The following TSPAN15 variants were observed in gnomAD, a reference collection of about 807,000 sequenced individuals.
TSPAN15 encodes tetraspanin-15.
TSPAN15 carries 20 observed loss-of-function variants against 34.5 expected under a neutral mutation model. That is an observed-to-expected ratio of 0.58 (90% CI 0.41 to 0.84). TSPAN15 has a LOEUF of 0.84. Ranked by LOEUF, TSPAN15 falls within the 40% of genes least tolerant of loss-of-function variation. TSPAN15 has a pLI of 0.00. For synonymous variants in TSPAN15, 155 were observed against 153.9 expected, an observed-to-expected ratio of 1.01 and a Z score of -0.05; for missense variants, 313 against 386.1, an observed-to-expected ratio of 0.81 and a Z score of 1.59.
chr10:69,540,794 G>T, the TSPAN15 span, among the ~76,000 whole-genome samples: 3 of 152,174 alleles, frequency 2.0e-5, no homozygotes, highest in Admixed American at 1.3e-4. Flanking sequence ...TGGGGTCTGG[G>T]CTCTGTAGGG....
At chr10:69,491,135 G>T (rs567542421) in intron 3 of TSPAN15, among the ~76,000 whole-genome samples, 2 of 152,330 alleles carry the variant, frequency 1.3e-5, no homozygotes, top group South Asian at 4.1e-4. Context: ...CTGAGGAAGG[G>T]TCTGGCAGAT....
intron 3 of TSPAN15, among the ~76,000 whole-genome samples, chr10:69,487,217 A>T (rs1841873541): frequency 6.6e-6 from 1 of 152,140 alleles, no homozygotes; most frequent in African/African-American, 2.4e-5. Context: ...GCATGGCTTG[A>T]CAGTCAGACT....
At chr10:69,512,561 C>G (rs1842425695), downstream of TSPAN15, among the ~76,000 whole-genome samples, 1 of 152,162 alleles carries the variant, frequency 6.6e-6, no homozygotes, top group South Asian at 2.1e-4. Context: ...CCTCTTGTCC[C>G]TTTGTAATCT....
intron 1 of TSPAN15, among the ~76,000 whole-genome samples, chr10:69,464,236 G>A (rs1456782891): frequency 1.3e-5 from 2 of 152,256 alleles, no homozygotes; most frequent in Non-Finnish European, 2.9e-5. Flanking sequence ...CCCATTTGTG[G>A]TCATTTGTTC....
chr10:69,543,034 A>AAAGACC, the TSPAN15 span, among the ~76,000 whole-genome samples: 2 of 152,062 alleles, frequency 1.3e-5, no homozygotes, highest in African/African-American at 4.8e-5. Flanking sequence ...CCTTTAGGGG[A>AAAGACC]AGTCTTTCAT....
the TSPAN15 span, among the ~76,000 whole-genome samples, chr10:69,545,023 C>A: frequency 6.6e-6 from 1 of 152,164 alleles, no homozygotes; most frequent in Non-Finnish European, 1.5e-5. Flanking sequence ...TCTCCTGAGG[C>A]ACAAGGACCT....
the TSPAN15 span, among the ~76,000 whole-genome samples, chr10:69,536,456 A>C: frequency 2.6e-5 from 4 of 152,190 alleles, no homozygotes; most frequent in Non-Finnish European, 5.9e-5. Flanking sequence ...TGGGGTAAAG[A>C]GATGGTACAG....
chr10:69,476,389 G>A (rs12357046), intron 1 of TSPAN15, among the ~76,000 whole-genome samples: 8,582 of 152,000 alleles, frequency 0.056, 358 homozygotes, highest in African/African-American at 0.11. Context: ...GTGCTCTGAC[G>A]TTACCAAAAG....
intron 3 of TSPAN15, among the ~76,000 whole-genome samples, chr10:69,487,286 G>A (rs1478207276): frequency 6.6e-6 from 1 of 152,166 alleles, no homozygotes; most frequent in Non-Finnish European, 1.5e-5. Context: ...GAGTCATGGA[G>A]GCACACAGGA....
the TSPAN15 span, among the ~76,000 whole-genome samples, chr10:69,530,806 CTCTCTCTCTCTCTCTA>C: frequency 6.2e-4 from 43 of 69,046 alleles, no homozygotes; most frequent in South Asian, 1.2e-3. Flanking sequence ...CTCTCTCTCT[CTCTCTCTCTCTCTCTA>C]TATATATATA....
In TSPAN15 at chr10:69,507,395, G is replaced by GGGAGGGGCAGGAGGGAAGGGCATCTGT. The variant is rs1842355561; in HGVS notation, c.*420_*421insGGGGCAGGAGGGAAGGGCATCTGTGGA. On this transcript the variant is annotated 3_prime_UTR_variant, in exon 8 of 8. Coordinates refer to ENST00000373290, the MANE Select transcript of TSPAN15 (RefSeq NM_012339.5). ...TCGGGGCAGGAGGGAAGGGCATCTG[G>GGGAGGGGCAGGAGGGAAGGGCATCTGT]GGAAGGGCAGGAGGGAAGAGCTGTC... The GGGAGGGGCAGGAGGGAAGGGCATCTGT allele has an allele frequency of 4.1e-6, 5 of 1,227,278 alleles. No individual in the cohort carries two copies. The highest frequency in any genetic ancestry group is 5.2e-6 in the Non-Finnish European group (5 of 961,486). 76.0% of individuals were successfully genotyped at this position (1,227,278 alleles called of 1,614,324 possible). A position where few individuals can be genotyped will look rare whatever the true frequency, so the allele number is the denominator to read the frequency against.
At chr10:69,516,065 C>A in the TSPAN15 span, among the ~76,000 whole-genome samples, 1 of 152,222 alleles carries the variant, frequency 6.6e-6, no homozygotes, top group African/African-American at 2.4e-5. Flanking sequence ...CTTTCCCATT[C>A]CCATTTCATA....
the TSPAN15 span, among the ~76,000 whole-genome samples, chr10:69,542,004 T>C: frequency 1.3e-5 from 2 of 152,204 alleles, no homozygotes; most frequent in Non-Finnish European, 2.9e-5. Context: ...GGCTTGAATT[T>C]CCCCCTAAGA....
chr10:69,462,891 G>T (rs1841301130), intron 1 of TSPAN15, among the ~76,000 whole-genome samples: 1 of 152,214 alleles, frequency 6.6e-6, no homozygotes, highest in South Asian at 2.1e-4. Flanking sequence ...CTAGCCAGGG[G>T]TTTGGGAGAA....
chr10:69,491,823 T>C (rs1434799191), intron 3 of TSPAN15, among the ~76,000 whole-genome samples: 4 of 152,202 alleles, frequency 2.6e-5, no homozygotes, highest in Non-Finnish European at 5.9e-5. Context: ...TGCAGGCAGC[T>C]GGCCTGGTAG....
chr10:69,536,787 C>A, the TSPAN15 span, among the ~76,000 whole-genome samples: 1 of 151,988 alleles, frequency 6.6e-6, no homozygotes, highest in African/African-American at 2.4e-5. Context: ...GAGTTTGAGA[C>A]CAGCCTGACC....
the TSPAN15 span, among the ~76,000 whole-genome samples, chr10:69,524,145 G>C: frequency 2.0e-5 from 3 of 147,958 alleles, no homozygotes; most frequent in Admixed American, 1.4e-4. Context: ...TGATGGTTCA[G>C]TATTAGGAGA....
intron 1 of TSPAN15, among the ~76,000 whole-genome samples, chr10:69,470,029 G>T (rs1291373993): frequency 1.3e-5 from 2 of 152,178 alleles, no homozygotes; most frequent in Admixed American, 1.3e-4. Flanking sequence ...ACCCAATTCA[G>T]GATCCACCCA....
chr10:69,489,913 T>C (rs930724130), intron 3 of TSPAN15, among the ~76,000 whole-genome samples: 5 of 152,186 alleles, frequency 3.3e-5, no homozygotes, highest in Middle Eastern at 3.2e-3. Context: ...TCTTGACACC[T>C]GCTTTTGTCC....
Sources: allele counts gnomAD v4.1 joint callset (sites outside exome capture counted in the v4.1 genomes callset), GRCh38; gene constraint gnomAD v4.1.1; transcripts MANE v1.5; gene names NCBI Gene and HGNC (gene_info 2026-07-23, HGNC 2026-07-21).